PHACTR3: variants seen among roughly 807,000 people sequenced by gnomAD.
The protein encoded by PHACTR3 is phosphatase and actin regulator 3, also known as protein phosphatase 1, regulatory subunit 123.
In PHACTR3, 16 loss-of-function variants were observed where a neutral mutation model predicts 66.8. The observed-to-expected ratio is 0.24, with a 90% CI of 0.16 to 0.36. The LOEUF (loss-of-function observed/expected upper bound fraction) is 0.36, where lower values mean the gene tolerates loss of function less well. Ranked by LOEUF, PHACTR3 falls within the 10% of genes least tolerant of loss-of-function variation. The pLI is 1.00. For synonymous variants in PHACTR3, 323 were observed against 292.1 expected (o/e 1.11, Z -1.08); for missense variants, 647 against 719.9 (o/e 0.90, Z 1.16).
rs192618000 is a variant in PHACTR3, at chr20:59,769,472, C to T, written c.751+2077C>T. 8.5e-5 allele frequency among the ~76,000 whole-genome samples: 13 copies of T among 152,326 alleles called. No homozygotes were observed. In the East Asian group the frequency reaches 2.5e-3, roughly 29 times the overall value. ...CCGGGGGAGAGGCCTGGGACGGCAT[C>T]TCCCTCACAGCCTCAGAAGGAACCA... is the stretch of plus-strand genomic sequence containing the variant. On this transcript the variant is annotated intron_variant, in intron 5 of 12. Coordinates refer to ENST00000371015, the MANE Select transcript of PHACTR3 (RefSeq NM_080672.5).
chr20:59,642,589 A>G (rs1476086781), intron 1 of PHACTR3, among the ~76,000 whole-genome samples: 3 of 152,202 alleles, frequency 2.0e-5, no homozygotes, highest in African/African-American at 2.4e-5. Context: ...AATGCTCCAG[A>G]ATAGGAATTT....
intron 1 of PHACTR3, among the ~76,000 whole-genome samples, chr20:59,646,514 T>C (rs1462645014): frequency 6.6e-6 from 1 of 152,172 alleles, no homozygotes; most frequent in East Asian, 1.9e-4. Context: ...GGAGTTACAC[T>C]GAACGAAGTG....
intron 1 of PHACTR3, among the ~76,000 whole-genome samples, chr20:59,617,165 G>T (rs6070867): frequency 6.6e-6 from 1 of 152,208 alleles, no homozygotes; most frequent in Non-Finnish European, 1.5e-5. Flanking sequence ...GCTCATAGTA[G>T]GTGCATGGTA....
chr20:59,594,572 T>C (rs948965113), intron 1 of PHACTR3, among the ~76,000 whole-genome samples: 8 of 152,198 alleles, frequency 5.3e-5, no homozygotes, highest in South Asian at 4.1e-4. Flanking sequence ...TTTGTGGACA[T>C]AGAATTGTTC....
chr20:59,707,846 A>G (rs1321712061), intron 1 of PHACTR3, among the ~76,000 whole-genome samples: 1 of 152,170 alleles, frequency 6.6e-6, no homozygotes, highest in East Asian at 1.9e-4. Flanking sequence ...GGCCCTCACC[A>G]GAAGCAGACA....
At chr20:59,789,419 T>C (rs933161452) in intron 7 of PHACTR3, among the ~76,000 whole-genome samples, 2 of 152,058 alleles carry the variant, frequency 1.3e-5, no homozygotes, top group African/African-American at 4.8e-5. Flanking sequence ...GGTCAGGGGG[T>C]GCTAGGAGAT....
intron 7 of PHACTR3, among the ~76,000 whole-genome samples, chr20:59,789,523 A>G (rs1375191760): frequency 6.6e-6 from 1 of 152,238 alleles, no homozygotes; most frequent in Non-Finnish European, 1.5e-5. Flanking sequence ...TAAGGGGCAT[A>G]CCTTAAGGCT....
intron 1 of PHACTR3, among the ~76,000 whole-genome samples, chr20:59,703,596 G>A (rs1197459036): frequency 6.6e-6 from 1 of 152,098 alleles, no homozygotes; most frequent in Non-Finnish European, 1.5e-5. Context: ...TAAGACATGT[G>A]CATGATAAAT....
chr20:59,833,172 G>C (rs1188101149), intron 8 of PHACTR3, among the ~76,000 whole-genome samples: 1 of 152,218 alleles, frequency 6.6e-6, no homozygotes, highest in Non-Finnish European at 1.5e-5. Context: ...CCGGGGCTGT[G>C]TCTACCCAGA....
chr20:59,589,459 A>C (rs1374909921), intron 1 of PHACTR3, among the ~76,000 whole-genome samples: 1 of 152,222 alleles, frequency 6.6e-6, no homozygotes, highest in Admixed American at 6.5e-5. Flanking sequence ...CTACGGCTGC[A>C]GAACGTAAGA....
intron 8 of PHACTR3, among the ~76,000 whole-genome samples, chr20:59,816,847 A>T (rs1032535521): frequency 6.6e-6 from 1 of 152,190 alleles, no homozygotes; most frequent in Non-Finnish European, 1.5e-5. Context: ...TATAAGATGC[A>T]TGAGTATAGG....
At chr20:59,823,932 C>A (rs569054597) in intron 8 of PHACTR3, among the ~76,000 whole-genome samples, 1 of 152,350 alleles carries the variant, frequency 6.6e-6, no homozygotes, top group African/African-American at 2.4e-5. Flanking sequence ...CAGAAGCAAC[C>A]AGTTCCTGAT....
At chr20:59,652,053 G>A (rs560492080) in intron 1 of PHACTR3, among the ~76,000 whole-genome samples, 135 of 152,268 alleles carry the variant, frequency 8.9e-4, no homozygotes, top group African/African-American at 2.9e-3. Context: ...GAGAACCAGG[G>A]GAACTGGTAA....
At chr20:59,805,246 A>C (rs1436084679) in intron 7 of PHACTR3, among the ~76,000 whole-genome samples, 2 of 152,228 alleles carry the variant, frequency 1.3e-5, no homozygotes, top group African/African-American at 4.8e-5. Flanking sequence ...AACTTCACTC[A>C]GCTGATTCCA....
Position 59,830,007 on chromosome 20 carries a change from CTGCTG to C in PHACTR3, c.1329-6493_1329-6489del, listed in dbSNP as rs1362061196. Among the ~76,000 whole-genome samples the C allele has an allele frequency of 6.9e-6, 1 of 145,276 alleles. No homozygotes were observed. Among genetic ancestry groups the C allele is most frequent in the African/African-American group, 2.9e-5 (1 of 34,888 alleles). On this transcript the variant is annotated intron_variant, in intron 8 of 12. Transcript: ENST00000371015. The surrounding 1 kb of genome is among the most constrained non-coding windows in gnomAD (Gnocchi z 5.8). ...TTCCTGAAATTACCTGCAGCCCCTG[CTGCTG>C]TGCTCATCATGCAGGAAGGCAGTCA... is the stretch of plus-strand genomic sequence containing the variant.
intron 1 of PHACTR3, among the ~76,000 whole-genome samples, chr20:59,720,632 C>T (rs956941943): frequency 1.3e-5 from 2 of 152,232 alleles, no homozygotes; most frequent in East Asian, 3.9e-4. Flanking sequence ...CAATCCCCTA[C>T]GTCTCCTTTG....
chr20:59,742,233 C>A (rs144117385), intron 1 of PHACTR3, among the ~76,000 whole-genome samples: 1 of 152,356 alleles, frequency 6.6e-6, no homozygotes, highest in Non-Finnish European at 1.5e-5. Flanking sequence ...GCTTGGAGAT[C>A]CACTTTCTTT....
At chr20:59,753,732 A>T (rs2039681390) in intron 3 of PHACTR3, among the ~76,000 whole-genome samples, 1 of 152,248 alleles carries the variant, frequency 6.6e-6, no homozygotes. Context: ...GATCCAGAGG[A>T]ATTTGCTATT....
chr20:59,824,064 A>G (rs1220466446), intron 8 of PHACTR3, among the ~76,000 whole-genome samples: 1 of 152,162 alleles, frequency 6.6e-6, no homozygotes, highest in East Asian at 1.9e-4. Context: ...AGAAGCCTCA[A>G]CCGGTATCTA....
Sources: allele counts gnomAD v4.1 joint callset (sites outside exome capture counted in the v4.1 genomes callset), GRCh38; gene constraint gnomAD v4.1.1; non-coding constraint Gnocchi (gnomAD v3.1); transcripts MANE v1.5; gene names NCBI Gene and HGNC (gene_info 2026-07-23, HGNC 2026-07-21).